AARSD1: variants seen among roughly 807,000 people sequenced by gnomAD.
AARSD1 encodes alanyl-tRNA synthetase domain containing 1, also known as alanyl-tRNA editing protein Aarsd1.
A neutral mutation model predicts 48.7 loss-of-function variants in AARSD1; 44 were observed. The ratio of observed to expected loss-of-function variants is 0.90; its 90% CI spans 0.71 to 1.16. AARSD1 has a LOEUF of 1.16. Ranked by LOEUF, AARSD1 falls within the 50% of genes most tolerant of loss-of-function variation. The pLI is 0.00. For missense variants in AARSD1, 511 were observed against 523.1 expected (o/e 0.98, Z 0.23); for synonymous variants, 189 against 194.9 (o/e 0.97, Z 0.25).
At chr17:42,957,409 C>A in intron 3 of AARSD1, 1 of 444,138 alleles carries the variant, frequency 2.3e-6, no homozygotes, top group Non-Finnish European at 3.9e-6. Context: ...GAAACTGAAG[C>A]CTAGAGAGAT....
At position 42,961,235 on chromosome 17, in the gene AARSD1, C is replaced by G. The variant is rs777339174; in HGVS notation, c.288G>C (p.Arg96=). Residue 96 remains arginine (R), a synonymous_variant, in exon 3 of 12, where the codon CGG becomes CGC. Coordinates refer to ENST00000427569, the MANE Select transcript of AARSD1 (RefSeq NM_001261434.2). ...PLDPGSQVLV[R]VDWERRFDHM... ...GGTCAAACCTCCGCTCCCAATCTAC[C>G]CGGACCAGAACCTGGCTTCCTGGAT... The G allele has an allele frequency of 4.3e-6, 7 of 1,613,956 alleles. No individual in the cohort carries two copies. The African/African-American group carries it at 9.3e-5, about 22-fold the overall frequency.
At chr17:42,951,709 C>T (rs1567714397) in intron 11 of AARSD1, 91 bp downstream of exon 11, 3 of 1,365,098 alleles carry the variant, frequency 2.2e-6, no homozygotes, top group African/African-American at 1.4e-5. Context: ...TAAATGAGAT[C>T]GCAGATGTGA....
At chr17:42,953,020 C>A (rs1268614334) in intron 10 of AARSD1, among the ~76,000 whole-genome samples, 1 of 152,118 alleles carries the variant, frequency 6.6e-6, no homozygotes, top group Non-Finnish European at 1.5e-5. Flanking sequence ...CACTCTGTAG[C>A]CCATGCTAGA....
chr17:42,959,721 T>C (rs538146745), intron 3 of AARSD1, among the ~76,000 whole-genome samples: 3 of 151,534 alleles, frequency 2.0e-5, no homozygotes, highest in East Asian at 4.0e-4. Flanking sequence ...TGGAGTGCAG[T>C]GGCGCGATCT....
In AARSD1 at chr17:42,955,675, T is replaced by G. The variant is rs2049539357; in HGVS notation, c.794+167A>C. 5 of 1,155,660 alleles carry G rather than the reference T, an allele frequency of 4.3e-6. No individual in the cohort carries two copies. The South Asian group carries it at 7.4e-5, about 17-fold the overall frequency. The allele number at this position is 1,155,660 out of a possible 1,614,324, so 71.6% of individuals were successfully genotyped here. A position where few individuals can be genotyped will look rare whatever the true frequency, so the allele number is the denominator to read the frequency against. ...CCAGGAAGGTCTTGATCTCCTGACC[T>G]CGTGATCCGCCCACCTCGGCCTCCC... is the stretch of plus-strand genomic sequence containing the variant. On this transcript the variant is annotated intron_variant, in intron 7 of 11. Coordinates refer to ENST00000427569, the MANE Select transcript of AARSD1 (RefSeq NM_001261434.2).
intron 4 of AARSD1, 76 bp from the exon 5 acceptor site, chr17:42,956,636 T>C: frequency 1.5e-6 from 1 of 656,306 alleles, no homozygotes; most frequent in Non-Finnish European, 2.3e-6. Flanking sequence ...CTCTAAAAAC[T>C]GGAACAAGCA....
intron 4 of AARSD1, 107 bp downstream of exon 4, chr17:42,957,031 G>T: frequency 2.4e-6 from 3 of 1,261,994 alleles, no homozygotes; most frequent in East Asian, 2.7e-5. Context: ...GGCAATCACA[G>T]CTCACCACAG....
At chr17:42,960,779 T>A (rs2049625422) in intron 3 of AARSD1, among the ~76,000 whole-genome samples, 1 of 151,628 alleles carries the variant, frequency 6.6e-6, no homozygotes, top group Non-Finnish European at 1.5e-5. Context: ...GCTGGCTGTC[T>A]ATGCCTGAAG....
chr17:42,953,437 C>T (rs895117891), intron 10 of AARSD1, among the ~76,000 whole-genome samples: 3 of 152,116 alleles, frequency 2.0e-5, no homozygotes, highest in African/African-American at 4.8e-5. Flanking sequence ...TATTGGATCC[C>T]CAGCACACAT....
rs1249664672 is a variant in AARSD1 at position 42,954,886 on chromosome 17, T to C, written c.943A>G (p.Ile315Val). 1.2e-6 allele frequency: 2 copies of C among 1,614,098 alleles called. No homozygotes were observed. The highest frequency in any genetic ancestry group is 2.2e-5 in the East Asian group (1 of 44,880). Reference sequence around the variant, plus strand: ...CTCCTAATTTCTCACCTGTGTAATATGACCACACCTCCCCAGTCTGGACTG... The same window carrying C: ...CTCCTAATTTCTCACCTGTGTAATACGACCACACCTCCCCAGTCTGGACTG... The part of the protein sequence containing the change: ...RNSPDWGGVV[I>V]LHRKEGDSEF... Residue 315 changes from isoleucine (I) to valine (V), a missense_variant, in exon 9 of 12, where the codon ATA becomes GTA. Physicochemically the swap from Ile to Val is conservative, Grantham distance 29. Coordinates refer to ENST00000427569, the MANE Select transcript of AARSD1 (RefSeq NM_001261434.2).
Position 42,950,688 on chromosome 17 carries a change from C to G in AARSD1, c.1144G>C (p.Gly382Arg). 6.2e-6 allele frequency: 10 copies of G among 1,613,970 alleles called. No homozygotes were observed. Among genetic ancestry groups the G allele is most frequent in the Non-Finnish European group, 7.6e-6 (9 of 1,180,000 alleles). Residue 382 changes from glycine (G) to arginine (R), a missense_variant, in exon 12 of 12, where the codon GGC (glycine) becomes CGC (arginine). Gly to Arg is a moderately radical substitution (Grantham distance 125). Coordinates refer to ENST00000427569, the MANE Select transcript of AARSD1 (RefSeq NM_001261434.2). ...VLEGKGAGKK[G>R]RFQGKATKMS... ...TTGGTGGCCTTGCCCTGAAAACGGC[C>G]TTTCTTCCCTGCTCCTTTGCCTTCC...
intron 6 of AARSD1, 39 bp from the exon 7 acceptor site, chr17:42,956,011 G>C: frequency 6.2e-7 from 1 of 1,613,558 alleles, no homozygotes; most frequent in Non-Finnish European, 8.5e-7. Flanking sequence ...ACACACGTGT[G>C]CACATGCATA....
intron 3 of AARSD1, among the ~76,000 whole-genome samples, chr17:42,960,549 AC>A (rs1417906988): frequency 1.3e-5 from 2 of 151,520 alleles, no homozygotes; most frequent in Admixed American, 6.6e-5. Context: ...ATGGTGAAAC[AC>A]CGTCTCTATT....
chr17:42,950,600 T>C lies in AARSD1; in HGVS notation c.1232A>G (p.Lys411Arg). ...LQDYISTQSA[K>R]E ...GGTGAGTGCCCTAAGCCCTCACTCC[T>C]TAGCACTCTGCGTGCTGATGTAGTC... The change falls in exon 12 of 12, where the codon AAG becomes AGG. Residue 411 changes from lysine (K) to arginine (R), a missense_variant. Coordinates refer to ENST00000427569, the MANE Select transcript of AARSD1 (RefSeq NM_001261434.2). 6.2e-7 allele frequency: 1 copy of C among 1,613,786 alleles called. No individual in the cohort carries two copies.
intron 7 of AARSD1, 178 bp downstream of exon 7, chr17:42,955,664 A>G: frequency 1.0e-6 from 1 of 991,116 alleles, no homozygotes; most frequent in Non-Finnish European, 1.4e-6. Flanking sequence ...GAAGGTCTTG[A>G]TCTCCTGACC....
chr17:42,953,081 G>C (rs1003542224), intron 10 of AARSD1, among the ~76,000 whole-genome samples: 2 of 152,218 alleles, frequency 1.3e-5, no homozygotes, highest in Non-Finnish European at 2.9e-5. Context: ...CCAGGCTCAA[G>C]AGATTCTCAT....
intron 3 of AARSD1, among the ~76,000 whole-genome samples, chr17:42,959,253 C>G (rs1360619270): frequency 2.0e-5 from 3 of 148,530 alleles, no homozygotes; most frequent in East Asian, 2.1e-4. Context: ...GAGTCTTGCT[C>G]TGTTGCCCAG....
At chr17:42,962,298 CAAAA>C (rs59823866) in intron 2 of AARSD1, 179 of 107,040 alleles carry the variant, frequency 1.7e-3, no homozygotes, top group South Asian at 0.011. Flanking sequence ...GACACCATCT[CAAAA>C]AAAAAAAAAA....
chr17:42,960,158 A>G (rs2151942805), intron 3 of AARSD1, among the ~76,000 whole-genome samples: 1 of 151,762 alleles, frequency 6.6e-6, no homozygotes, highest in East Asian at 2.0e-4. Flanking sequence ...TATCCCAGCT[A>G]CTCGGGAGGC....
Sources: allele counts gnomAD v4.1 joint callset (sites outside exome capture counted in the v4.1 genomes callset), GRCh38; gene constraint gnomAD v4.1.1; transcripts MANE v1.5; gene names NCBI Gene and HGNC (gene_info 2026-07-23, HGNC 2026-07-21).